PLEKHM3: variants seen among roughly 807,000 people sequenced by gnomAD.
PLEKHM3 encodes the protein pleckstrin homology domain-containing family M member 3.
In PLEKHM3, 45 loss-of-function variants were observed where a neutral mutation model predicts 81.8. The observed-to-expected ratio is 0.55, with a 90% confidence interval of 0.43 to 0.71. The LOEUF (loss-of-function observed/expected upper bound fraction) is 0.71, where lower values mean the gene tolerates loss of function less well. PLEKHM3 is among the 30% of genes least tolerant of loss of function. The pLI is 0.00. For missense variants in PLEKHM3, 788 were observed against 924.3 expected (o/e 0.85, Z 1.91); for synonymous variants, 352 against 356.4 (o/e 0.99, Z 0.14).
At chr2:207,865,800 AAAGAT>A (rs1250508277) in intron 6 of PLEKHM3, among the ~76,000 whole-genome samples, 6 of 44,160 alleles carry the variant, frequency 1.4e-4, no homozygotes, top group African/African-American at 9.3e-4. Context: ...AAAAAAAAAA[AAAGAT>A]ATATATATAT....
At chr2:207,991,135 G>C (rs1170581948) in intron 2 of PLEKHM3, among the ~76,000 whole-genome samples, 1 of 152,190 alleles carries the variant, frequency 6.6e-6, no homozygotes, top group Non-Finnish European at 1.5e-5. Flanking sequence ...AGCCTCTGTT[G>C]AGGTTTTGGA....
intron 5 of PLEKHM3, chr2:207,930,052 A>G (rs950542225): frequency 1.9e-6 from 1 of 528,830 alleles, no homozygotes; most frequent in Non-Finnish European, 3.3e-6. Context: ...TTAAATGCCT[A>G]TAAAATCTGT....
intron 7 of PLEKHM3, among the ~76,000 whole-genome samples, chr2:207,830,782 T>G (rs2092282919): frequency 1.3e-5 from 2 of 151,832 alleles, no homozygotes; most frequent in African/African-American, 4.8e-5. Flanking sequence ...CAGCGCCCTG[T>G]GGGGACATAC....
intron 5 of PLEKHM3, among the ~76,000 whole-genome samples, chr2:207,924,610 G>C (rs953435491): frequency 2.0e-5 from 3 of 152,082 alleles, no homozygotes; most frequent in African/African-American, 7.2e-5. Context: ...GCTTGAACCT[G>C]GGAGGTGGAG....
chr2:207,829,299 G>A (rs897939370), intron 7 of PLEKHM3, among the ~76,000 whole-genome samples: 1 of 151,582 alleles, frequency 6.6e-6, no homozygotes. Flanking sequence ...TTGGAGATAG[G>A]GTCTCACTCT....
chr2:207,830,686 C>T (rs1265761825), intron 7 of PLEKHM3, among the ~76,000 whole-genome samples: 1 of 143,770 alleles, frequency 7.0e-6, no homozygotes, highest in Non-Finnish European at 1.6e-5. Context: ...AGAAGAAGGA[C>T]ACTTCTTCTA....
At chr2:207,856,995 C>T (rs910482140) in intron 7 of PLEKHM3, among the ~76,000 whole-genome samples, 7 of 151,796 alleles carry the variant, frequency 4.6e-5, no homozygotes, top group Non-Finnish European at 8.8e-5. Context: ...CTGTTCCATG[C>T]GACCTTGAGA....
intron 6 of PLEKHM3, among the ~76,000 whole-genome samples, chr2:207,904,977 A>C (rs2105895735): frequency 6.6e-6 from 1 of 152,350 alleles, no homozygotes; most frequent in African/African-American, 2.4e-5. Flanking sequence ...TCTCTAAATT[A>C]TAAATCTCCT....
chr2:207,984,334 T>C (rs1346432263), intron 2 of PLEKHM3, among the ~76,000 whole-genome samples: 1 of 152,198 alleles, frequency 6.6e-6, no homozygotes, highest in African/African-American at 2.4e-5. Flanking sequence ...CCCAACAAAA[T>C]TAATAATTCC....
At chr2:207,914,455 G>A (rs978299182) in intron 5 of PLEKHM3, among the ~76,000 whole-genome samples, 6 of 151,220 alleles carry the variant, frequency 4.0e-5, no homozygotes, top group Non-Finnish European at 7.4e-5. Flanking sequence ...CCAACATCGC[G>A]CCATTGCACT....
In PLEKHM3 at chr2:207,976,621, T is replaced by G; in HGVS notation, c.1546+30A>C. The G allele has an allele frequency of 4.2e-5, 67 of 1,579,556 alleles. No homozygotes were observed. The highest frequency in any genetic ancestry group is 5.1e-5 in the Non-Finnish European group (59 of 1,161,016). Reference sequence around the variant, plus strand: ...TGTGGGGTTCAGGATTGTTCTTTAATGAGCTATAGGCTGAAAATCTGCTTC... The same window carrying G: ...TGTGGGGTTCAGGATTGTTCTTTAAGGAGCTATAGGCTGAAAATCTGCTTC... On this transcript the variant is annotated intron_variant, in intron 3 of 7. Coordinates refer to ENST00000427836, the MANE Select transcript of PLEKHM3 (RefSeq NM_001080475.3). This position sits in a 1 kb window ranked among gnomAD's most constrained non-coding sequence, Gnocchi z 4.1.
intron 6 of PLEKHM3, among the ~76,000 whole-genome samples, chr2:207,883,527 C>T (rs1323833260): frequency 5.3e-5 from 8 of 152,176 alleles, no homozygotes; most frequent in Non-Finnish European, 8.8e-5. Flanking sequence ...AAGAAGATAG[C>T]ACTGAAAGTG....
chr2:207,869,725 T>C (rs897612188), intron 6 of PLEKHM3: 1 of 152,190 alleles, frequency 6.6e-6, no homozygotes, highest in Non-Finnish European at 1.5e-5. Flanking sequence ...TCACCATCAT[T>C]TTAGGTACTT....
chr2:207,936,992 T>C (rs1387136090), intron 4 of PLEKHM3, among the ~76,000 whole-genome samples: 1 of 152,108 alleles, frequency 6.6e-6, no homozygotes, highest in Non-Finnish European at 1.5e-5. Context: ...GTCATTTTTG[T>C]ATGAAAAAAT....
chr2:208,023,641 T>G (rs1031240356), intron 1 of PLEKHM3, among the ~76,000 whole-genome samples: 5 of 152,046 alleles, frequency 3.3e-5, no homozygotes, highest in African/African-American at 1.2e-4. Context: ...TATGAGAATC[T>G]AACTAATGCC....
chr2:207,950,642 C>A (rs1381026474), intron 3 of PLEKHM3, among the ~76,000 whole-genome samples: 2 of 152,154 alleles, frequency 1.3e-5, no homozygotes, highest in Non-Finnish European at 2.9e-5. Flanking sequence ...TCCCTGATTT[C>A]TAGGTGACCT....
intron 2 of PLEKHM3, among the ~76,000 whole-genome samples, chr2:207,997,431 C>G (rs1198039516): frequency 6.6e-6 from 1 of 152,062 alleles, no homozygotes; most frequent in Admixed American, 6.6e-5. Flanking sequence ...AGAAGCACTT[C>G]CAATAAGGCT....
At position 207,912,381 on chromosome 2, in the gene PLEKHM3, A is replaced by G. The variant is rs1028404301; in HGVS notation, c.1887-3804T>C. ...AAGCCCCTCCAGAAGCACTTCCTCT[A>G]CTGTCTTCTCCATCACACTTCAGTG... On this transcript the variant is annotated intron_variant, in intron 5 of 7. Coordinates refer to ENST00000427836, the MANE Select transcript of PLEKHM3 (RefSeq NM_001080475.3). Among the ~76,000 whole-genome samples, 4 of 152,186 alleles carry G rather than the reference A, an allele frequency of 2.6e-5. 1 individual carries two copies. The highest frequency in any genetic ancestry group is 1.9e-4 in the East Asian group (1 of 5,208).
chr2:208,018,093 G>A (rs546118935), intron 1 of PLEKHM3, among the ~76,000 whole-genome samples: 1 of 152,086 alleles, frequency 6.6e-6, no homozygotes, highest in Non-Finnish European at 1.5e-5. Context: ...ATTACTCTCC[G>A]GCTGGGCGCA....
Sources: allele counts gnomAD v4.1 joint callset (sites outside exome capture counted in the v4.1 genomes callset), GRCh38; gene constraint gnomAD v4.1.1; non-coding constraint Gnocchi (gnomAD v3.1); transcripts MANE v1.5; gene names NCBI Gene and HGNC (gene_info 2026-07-23, HGNC 2026-07-21).